PATJ: variants seen among roughly 807,000 people sequenced by gnomAD.
PATJ encodes the protein PATJ crumbs cell polarity complex component, also known as inaD-like protein.
Under a neutral mutation model 224.9 loss-of-function variants are expected in PATJ, and 190 were observed. The observed-to-expected ratio is 0.84, with a 90% CI of 0.75 to 0.95. PATJ has a LOEUF of 0.95. Among genes scored for constraint, PATJ ranks in the 40% least tolerant of loss-of-function variants. The pLI, the probability that PATJ is intolerant of heterozygous loss-of-function variation, is 0.00. For missense variants in PATJ, 2,121 were observed against 2,270.3 expected (o/e 0.93, Z 1.34); for synonymous variants, 769 against 820.3 (o/e 0.94, Z 1.07).
chr1:61,951,269 T>G (rs1170182023), intron 27 of PATJ, among the ~76,000 whole-genome samples: 1 of 151,896 alleles, frequency 6.6e-6, no homozygotes, highest in African/African-American at 2.4e-5. Context: ...CTTTTTATTG[T>G]TTTTTTTATT....
chr1:62,010,975 A>C (rs1375508598), intron 28 of PATJ, among the ~76,000 whole-genome samples: 1 of 152,202 alleles, frequency 6.6e-6, no homozygotes, highest in African/African-American at 2.4e-5. Flanking sequence ...TGCTAGCTTC[A>C]AACAACTTCT....
chr1:61,766,463 A>C lies in PATJ; in HGVS notation c.374A>C (p.Gln125Pro). The C allele has an allele frequency of 6.3e-7, 1 of 1,592,042 alleles. No individual in the cohort carries two copies. The highest frequency in any genetic ancestry group is 1.2e-5 in the South Asian group (1 of 86,068). Residue 125 changes from glutamine to proline, a missense_variant, in exon 4 of 44, where the codon CAG becomes CCG. By Grantham distance (76) the Gln-to-Pro change is moderately conservative (BLOSUM62 -1). Transcript: ENST00000642238. ...GNEDFNSVIQQMAQGRQIEYI... is the reference protein window; with the variant it reads ...GNEDFNSVIQPMAQGRQIEYI... ...GAAGACTTTAACTCAGTCATTCAAC[A>C]GATGGCTCAGGTAAAGTTGTATCTT...
At chr1:62,103,216 C>A (rs1350247131) in intron 33 of PATJ, among the ~76,000 whole-genome samples, 7 of 152,130 alleles carry the variant, frequency 4.6e-5, no homozygotes, top group Non-Finnish European at 1.0e-4. Flanking sequence ...AGCTTACTAT[C>A]GTGGTGGGAG....
At chr1:61,884,551 C>A in intron 22 of PATJ, 143 bp downstream of exon 22, 2 of 618,064 alleles carry the variant, frequency 3.2e-6, no homozygotes, top group Non-Finnish European at 5.1e-6. Flanking sequence ...CTATATTTGA[C>A]AATTACTATG....
chr1:61,774,001 T>G (rs909175939), intron 6 of PATJ, among the ~76,000 whole-genome samples: 2 of 149,612 alleles, frequency 1.3e-5, no homozygotes, highest in African/African-American at 4.9e-5. Flanking sequence ...GTACCTGTAG[T>G]CCCAGCTACT....
chr1:62,127,924 G>T (rs764950804), intron 39 of PATJ, 48 bp from the exon 40 acceptor site: 3 of 1,604,982 alleles, frequency 1.9e-6, no homozygotes, highest in Non-Finnish European at 2.6e-6. Flanking sequence ...TAGTCAGTTT[G>T]TGGCTCTTTA....
At chr1:61,960,156 T>C (rs1320830009) in intron 27 of PATJ, among the ~76,000 whole-genome samples, 1 of 152,224 alleles carries the variant, frequency 6.6e-6, no homozygotes, top group Non-Finnish European at 1.5e-5. Context: ...GCATGGGATT[T>C]GGAGTCATGC....
At chr1:61,970,745 G>A (rs1357097520) in intron 27 of PATJ, among the ~76,000 whole-genome samples, 1 of 152,006 alleles carries the variant, frequency 6.6e-6, no homozygotes, top group Non-Finnish European at 1.5e-5. Flanking sequence ...CGCCTGCTTT[G>A]GCCTCCCAAA....
chr1:61,771,220 G>A (rs1400344171), intron 5 of PATJ, among the ~76,000 whole-genome samples: 1 of 152,126 alleles, frequency 6.6e-6, no homozygotes, highest in African/African-American at 2.4e-5. Flanking sequence ...AAGTGTGTCT[G>A]TGTGTTTAAG....
At chr1:62,034,781 A>G (rs1012266843) in intron 29 of PATJ, among the ~76,000 whole-genome samples, 3 of 152,290 alleles carry the variant, frequency 2.0e-5, no homozygotes, top group East Asian at 1.9e-4. Context: ...AAAATTTAAT[A>G]TGGACTTTAA....
chr1:61,872,981 C>T (rs1666843449), intron 20 of PATJ, among the ~76,000 whole-genome samples: 1 of 152,144 alleles, frequency 6.6e-6, no homozygotes, highest in Admixed American at 6.5e-5. Flanking sequence ...TGATCCTTCT[C>T]TTATCATTGA....
chr1:61,808,690 C>A (rs1313344050), intron 14 of PATJ, among the ~76,000 whole-genome samples, 160 bp downstream of exon 14: 1 of 152,102 alleles, frequency 6.6e-6, no homozygotes, highest in Non-Finnish European at 1.5e-5. Context: ...GAACTCGGCC[C>A]ATTTTTTTAT....
At chr1:61,885,620 G>A (rs1015382004) in intron 22 of PATJ, among the ~76,000 whole-genome samples, 30 of 152,262 alleles carry the variant, frequency 2.0e-4, no homozygotes, top group South Asian at 1.2e-3. Flanking sequence ...TCAGTGTGGC[G>A]ATTCCTCAGG....
chr1:61,748,889 ATAG>A (rs1008803335), intron 1 of PATJ, among the ~76,000 whole-genome samples: 1 of 152,128 alleles, frequency 6.6e-6, no homozygotes, highest in African/African-American at 2.4e-5. Flanking sequence ...AGAGATGCTA[ATAG>A]TAGTTATCAT....
At chr1:61,920,612 G>A (rs1323887472) in intron 26 of PATJ, among the ~76,000 whole-genome samples, 1 of 151,304 alleles carries the variant, frequency 6.6e-6, no homozygotes, top group African/African-American at 2.4e-5. Context: ...TTTTATATTT[G>A]CCTGGCATGT....
At chr1:61,750,902 C>T (rs1645286018) in intron 1 of PATJ, among the ~76,000 whole-genome samples, 1 of 152,112 alleles carries the variant, frequency 6.6e-6, no homozygotes, top group African/African-American at 2.4e-5. Context: ...AGTTGAACCC[C>T]TTCCCCATGG....
intron 15 of PATJ, among the ~76,000 whole-genome samples, chr1:61,824,431 T>TTC (rs1214837866): frequency 6.7e-6 from 1 of 148,808 alleles, no homozygotes; most frequent in Non-Finnish European, 1.5e-5. Context: ...CTTTTTTCCT[T>TTC]TTTTTTTTTT....
rs368395048 is a variant in PATJ, at chr1:61,797,272, C to G, written c.1261-15C>G. 3.7e-6 allele frequency: 6 copies of G among 1,604,832 alleles called. No individual in the cohort carries two copies. The African/African-American group carries it at 8.0e-5, about 21-fold the overall frequency. On this transcript the variant is annotated splice_polypyrimidine_tract_variant and intron_variant, in intron 10 of 43. Transcript: ENST00000642238. ...AATTTAAAACCTCTGCTTAATGTTT[C>G]TCTTGATGTTTTAGGTCGATGGCGT...
intron 28 of PATJ, among the ~76,000 whole-genome samples, chr1:62,006,260 G>T (rs567103722): frequency 6.6e-6 from 1 of 152,208 alleles, no homozygotes; most frequent in South Asian, 2.1e-4. Context: ...GATTACAGGC[G>T]CATGCCGCCA....
Sources: allele counts gnomAD v4.1 joint callset (sites outside exome capture counted in the v4.1 genomes callset), GRCh38; gene constraint gnomAD v4.1.1; transcripts MANE v1.5; gene names NCBI Gene and HGNC (gene_info 2026-07-23, HGNC 2026-07-21).